TRHDE: variants seen among roughly 807,000 people sequenced by gnomAD.
The protein encoded by TRHDE is thyrotropin releasing hormone degrading enzyme.
In TRHDE, 72 loss-of-function variants were observed where a neutral mutation model predicts 125.7. That is an observed-to-expected ratio of 0.57 (90% CI 0.47 to 0.70). The LOEUF (loss-of-function observed/expected upper bound fraction) is 0.70. Among genes scored for constraint, TRHDE ranks in the 30% least tolerant of loss-of-function variants. The probability of loss-of-function intolerance (pLI) is 0.00; values close to 1 mark genes in which losing one functional copy is unlikely to be tolerated. For synonymous variants in TRHDE, 509 were observed against 509.1 expected (o/e 1.00, Z 0.00); for missense variants, 1,110 against 1,327.1 (o/e 0.84, Z 2.54).
chr12:72,582,605 C>T, intron 12 of TRHDE: 11 of 985,360 alleles, frequency 1.1e-5, no homozygotes, highest in Non-Finnish European at 1.2e-5. Context: ...CTGACCCTGG[C>T]TAGATGAGTA....
At chr12:72,146,449 A>T (rs1216048214) in intron 2 of TRHDE, among the ~76,000 whole-genome samples, 1 of 152,244 alleles carries the variant, frequency 6.6e-6, no homozygotes, top group Non-Finnish European at 1.5e-5. Context: ...ACAAAATAGC[A>T]TGGAGAGGCT....
chr12:72,272,951 C>A lies in TRHDE; in HGVS notation c.308C>A (p.Ala103Asp), dbSNP rs1879302535. The A allele has an allele frequency of 1.3e-6, 2 of 1,572,522 alleles. No homozygotes were observed. Among genetic ancestry groups the A allele is most frequent in the Non-Finnish European group, 1.7e-6 (2 of 1,166,770 alleles). The change falls in exon 1 of 19, where the codon GCT becomes GAT. Residue 103 changes from alanine (A) to aspartate (D), a missense_variant. Physicochemically the swap from Ala to Asp is moderately radical, Grantham distance 126 (BLOSUM62 -2). This residue lies in a region of TRHDE where 248 missense variants were observed against 240.8 expected (regional missense o/e 1.03). Transcript: ENST00000261180. The surrounding 1 kb of genome is among the most constrained non-coding windows in gnomAD (Gnocchi z 6.7). The part of the protein sequence containing the change: ...LVALLAVTML[A>D]VLLSLRFDEC... Reference sequence around the variant, plus strand: ...GCATTGCTCGCGGTCACAATGCTCGCTGTGCTGCTCAGCCTGCGCTTCGAC... The same window carrying A: ...GCATTGCTCGCGGTCACAATGCTCGATGTGCTGCTCAGCCTGCGCTTCGAC...
chr12:72,447,686 AT>A (rs1218085670), intron 3 of TRHDE, among the ~76,000 whole-genome samples: 1 of 152,000 alleles, frequency 6.6e-6, no homozygotes, highest in African/African-American at 2.4e-5. Context: ...TCTAAGTCTG[AT>A]GTTTTAAACC....
chr12:72,474,755 T>C (rs1876813849), intron 5 of TRHDE, among the ~76,000 whole-genome samples: 1 of 152,166 alleles, frequency 6.6e-6, no homozygotes, highest in South Asian at 2.1e-4. Context: ...TTGTCTGTTA[T>C]TGTTCCAAGT....
At chr12:72,464,461 A>G (rs1487096673) in intron 3 of TRHDE, among the ~76,000 whole-genome samples, 1 of 152,148 alleles carries the variant, frequency 6.6e-6, no homozygotes, top group African/African-American at 2.4e-5. Flanking sequence ...TGAATGTTGT[A>G]TCTTCACATG....
At chr12:72,517,650 T>G (rs1303516943) in intron 6 of TRHDE, among the ~76,000 whole-genome samples, 1 of 152,162 alleles carries the variant, frequency 6.6e-6, no homozygotes, top group African/African-American at 2.4e-5. Context: ...GTCCTTCAGT[T>G]CTGCTCTGAT....
intron 12 of TRHDE, among the ~76,000 whole-genome samples, chr12:72,581,044 A>G (rs1230707162): frequency 6.6e-6 from 1 of 152,118 alleles, no homozygotes; most frequent in East Asian, 1.9e-4. Context: ...AAAGTAAGAG[A>G]ATGAAAGCAA....
intron 1 of TRHDE, among the ~76,000 whole-genome samples, chr12:72,088,469 A>T (rs1874717919): frequency 6.6e-6 from 1 of 152,050 alleles, no homozygotes; most frequent in East Asian, 1.9e-4. Flanking sequence ...TAGAGGAAAG[A>T]TGTGACTTGA....
Position 72,597,713 on chromosome 12 carries a change from GTATATATATATATATATATATATATA to G in TRHDE, c.2322-21158_2322-21133del, listed in dbSNP as rs762515309. On this transcript the variant is annotated intron_variant, in intron 12 of 18. Transcript: ENST00000261180. ...GAGGTATATATATGTGTGTGTGTAT[GTATATATATATATATATATATATATA>G]TATATATATATATATATATGCATAC... Among the ~76,000 whole-genome samples the G allele has an allele frequency of 1.5e-3, 28 of 18,490 alleles. 2 individuals are homozygous for G. Among genetic ancestry groups the G allele is most frequent in the Admixed American group, 2.0e-3 (3 of 1,478 alleles). The allele number at this position is 18,490 out of a possible 152,430, so 12.1% of individuals were successfully genotyped here.
intron 2 of TRHDE, among the ~76,000 whole-genome samples, chr12:72,309,101 T>A (rs1306255706): frequency 6.6e-6 from 1 of 152,166 alleles, no homozygotes; most frequent in Non-Finnish European, 1.5e-5. Flanking sequence ...ATCAAGACAG[T>A]TTCCATCGCC....
At chr12:72,585,112 G>A (rs1871385291) in intron 12 of TRHDE, among the ~76,000 whole-genome samples, 3 of 152,152 alleles carry the variant, frequency 2.0e-5, no homozygotes, top group Admixed American at 1.3e-4. Context: ...CCATTTGCTT[G>A]AAATTGCTTA....
At chr12:72,089,615 C>T (rs776634805) in intron 1 of TRHDE, among the ~76,000 whole-genome samples, 18 of 152,118 alleles carry the variant, frequency 1.2e-4, no homozygotes, top group Non-Finnish European at 2.4e-4. Flanking sequence ...TCAAATCATA[C>T]CTTCTTAATG....
chr12:72,099,578 C>T (rs187839030), intron 1 of TRHDE, among the ~76,000 whole-genome samples: 42 of 152,154 alleles, frequency 2.8e-4, no homozygotes, highest in African/African-American at 8.2e-4. Context: ...CAAGAAAATC[C>T]GATGAATGCC....
chr12:72,129,692 C>T (rs2059526130), intron 2 of TRHDE, among the ~76,000 whole-genome samples: 1 of 152,108 alleles, frequency 6.6e-6, no homozygotes, highest in Non-Finnish European at 1.5e-5. Flanking sequence ...ATACTGCAAT[C>T]AGTTAAAAAA....
chr12:72,138,291 C>T (rs548551273), intron 2 of TRHDE, among the ~76,000 whole-genome samples: 1 of 152,166 alleles, frequency 6.6e-6, no homozygotes, highest in South Asian at 2.1e-4. Context: ...AGGGGAATTG[C>T]TTGAACCTAG....
intron 6 of TRHDE, among the ~76,000 whole-genome samples, chr12:72,532,520 G>T (rs1454242204): frequency 6.6e-6 from 1 of 150,804 alleles, no homozygotes; most frequent in Non-Finnish European, 1.5e-5. Context: ...TTTCACTATT[G>T]AGTGTATTTT....
intron 2 of TRHDE, among the ~76,000 whole-genome samples, chr12:72,252,042 T>C (rs1304506878): frequency 1.3e-5 from 2 of 152,138 alleles, no homozygotes; most frequent in African/African-American, 4.8e-5. Context: ...TAGATACTAG[T>C]CCTTTGTCAG....
intron 2 of TRHDE, among the ~76,000 whole-genome samples, chr12:72,340,720 G>T (rs980937975): frequency 6.6e-6 from 1 of 152,080 alleles, no homozygotes; most frequent in Non-Finnish European, 1.5e-5. Context: ...GGAGAAAAAG[G>T]CTTGCCCTCA....
chr12:72,407,433 G>A (rs1473993375), intron 3 of TRHDE, among the ~76,000 whole-genome samples: 1 of 152,176 alleles, frequency 6.6e-6, no homozygotes, highest in African/African-American at 2.4e-5. Context: ...TCCATTAGCT[G>A]GATCTAGGCT....
Sources: gnomAD v4.1 joint callset for allele counts (sites outside exome capture counted in the v4.1 genomes callset) on GRCh38, gnomAD v4.1.1 for gene constraint, gnomAD v4.1.1 regional missense constraint, Gnocchi (gnomAD v3.1) non-coding constraint, MANE v1.5 for transcripts, NCBI Gene and HGNC (gene_info 2026-07-23, HGNC 2026-07-21) for gene names.